ATP6V0A2: variants seen among roughly 807,000 people sequenced by gnomAD.
The protein encoded by ATP6V0A2 is V-type proton ATPase 116 kDa subunit a 2.
A neutral mutation model predicts 104.4 loss-of-function variants in ATP6V0A2; 58 were observed. That is an observed-to-expected ratio of 0.56 (90% CI 0.45 to 0.69). The LOEUF is 0.69. Ranked by LOEUF, ATP6V0A2 falls within the 30% of genes least tolerant of loss-of-function variation. The pLI, the probability that ATP6V0A2 is intolerant of heterozygous loss-of-function variation, is 0.00. For synonymous variants in ATP6V0A2, 376 were observed against 397.9 expected (o/e 0.95, Z 0.65); for missense variants, 938 against 1,062.9 (o/e 0.88, Z 1.63).
intron 7 of ATP6V0A2, among the ~76,000 whole-genome samples, chr12:123,734,237 CT>C (rs1326478409): frequency 1.3e-5 from 2 of 152,170 alleles, no homozygotes; most frequent in African/African-American, 4.8e-5. Flanking sequence ...CCAGAATTGA[CT>C]TTTTTCCTTG....
intron 9 of ATP6V0A2, among the ~76,000 whole-genome samples, chr12:123,738,205 C>T (rs1956574488): frequency 6.6e-6 from 1 of 152,124 alleles, no homozygotes; most frequent in African/African-American, 2.4e-5. Context: ...GAGTTTGAGA[C>T]CAGCCTGACC....
chr12:123,748,199 T>A (rs1956681065), intron 14 of ATP6V0A2, among the ~76,000 whole-genome samples: 1 of 152,222 alleles, frequency 6.6e-6, no homozygotes, highest in Non-Finnish European at 1.5e-5. Context: ...ACATAATTTG[T>A]ATAATTTGAT....
intron 1 of ATP6V0A2, among the ~76,000 whole-genome samples, chr12:123,715,440 TA>T (rs937233177): frequency 6.6e-6 from 1 of 151,258 alleles, no homozygotes; most frequent in Admixed American, 6.6e-5. Context: ...CTGGTTCTTT[TA>T]AAAAAAAAGT....
At chr12:123,722,550 C>CCA in intron 3 of ATP6V0A2, 102 bp downstream of exon 3, 1 of 774,870 alleles carries the variant, frequency 1.3e-6, no homozygotes, top group Non-Finnish European at 2.3e-6. Flanking sequence ...CTTCTCAAAA[C>CCA]TATGGAAGAT....
At position 123,744,785 on chromosome 12, in the gene ATP6V0A2, G is replaced by A. The variant is rs374480381; in HGVS notation, c.1514+1G>A. The stretch of plus-strand genomic sequence containing the variant: ...AGCATAAGAAGATGGTGCTTTGGAA[G>A]TAAGTGTCCCATAGCTGGTGATGCT... On this transcript the variant is annotated splice_donor_variant, in intron 12 of 19. Transcript: ENST00000330342. LOFTEE classifies it high-confidence loss of function. The surrounding 1 kb of genome is among the most constrained non-coding windows in gnomAD (Gnocchi z 5.4). 6.2e-6 allele frequency: 10 copies of A among 1,614,054 alleles called. No individual in the cohort carries two copies. Among genetic ancestry groups the A allele is most frequent in the Non-Finnish European group, 6.8e-6 (8 of 1,180,030 alleles).
rs371291658 is a variant in ATP6V0A2, at chr12:123,744,709, G to A, written c.1439G>A (p.Gly480Asp). The A allele has an allele frequency of 1.2e-6, 2 of 1,614,026 alleles. No individual in the cohort carries two copies. Among genetic ancestry groups the A allele is most frequent in the Non-Finnish European group, 1.7e-6 (2 of 1,180,040 alleles). Residue 480 changes from glycine to aspartate, a missense_variant, in exon 12 of 20, where the codon GGC (glycine) becomes GAC (aspartate). Physicochemically the swap from Gly to Asp is moderately conservative, Grantham distance 94. Coordinates refer to ENST00000330342, the MANE Select transcript of ATP6V0A2 (RefSeq NM_012463.4). This position sits in a 1 kb window ranked among gnomAD's most constrained non-coding sequence, Gnocchi z 5.4. ...DCFSKSVNLF[G>D]SGWNVSAMYS... ...TTTTCAAAGTCAGTCAACCTGTTCGGCTCTGGGTGGAACGTGTCGGCCATG... is the reference window on the plus strand; with the variant it reads ...TTTTCAAAGTCAGTCAACCTGTTCGACTCTGGGTGGAACGTGTCGGCCATG...
chr12:123,757,439 CA>C (rs35359843), intron 19 of ATP6V0A2, among the ~76,000 whole-genome samples: 99,833 of 149,070 alleles, frequency 0.67, 33,548 homozygotes, highest in East Asian at 0.95. Flanking sequence ...AACTCTGTGT[CA>C]AAAAAAAAAA....
intron 9 of ATP6V0A2, 35 bp downstream of exon 9, chr12:123,737,306 A>G (rs1416578995): frequency 6.3e-7 from 1 of 1,596,400 alleles, no homozygotes; most frequent in African/African-American, 1.3e-5. Flanking sequence ...CCAGGAACAG[A>G]AGAGAGACTG....
In ATP6V0A2 at chr12:123,726,236, G is replaced by A. The variant is rs761563956; in HGVS notation, c.472G>A (p.Asp158Asn). The change falls in exon 5 of 20, where the codon GAT (aspartate) becomes AAT (asparagine). Residue 158 changes from aspartate (D) to asparagine (N), a missense_variant. Coordinates refer to ENST00000330342, the MANE Select transcript of ATP6V0A2 (RefSeq NM_012463.4). Reference protein sequence around the residue: ...TYEEFPSLESDSLLDYSCMQR... With the variant: ...TYEEFPSLESNSLLDYSCMQR... The stretch of plus-strand genomic sequence containing the variant: ...TGAAGAATTCCCTTCCTTAGAGAGT[G>A]ATTCTTTGTTGGATTACAGCTGTAT... The A allele has an allele frequency of 2.3e-5, 37 of 1,613,622 alleles. No individual in the cohort carries two copies. In the East Asian group the frequency reaches 2.5e-4, roughly 11 times the overall value.
intron 9 of ATP6V0A2, chr12:123,737,566 C>T (rs1956567679): frequency 7.7e-6 from 3 of 391,766 alleles, no homozygotes; most frequent in South Asian, 6.8e-5. Flanking sequence ...TGTTTTTGAA[C>T]TGAAATTATG....
At position 123,760,645 on chromosome 12, in the gene ATP6V0A2, T is replaced by C. The variant is rs1956805172; in HGVS notation, c.*2613T>C. ...TTATTTAGATGTTTATTACCATGTG[T>C]TAACAGAATCTTAAAACCCAAGGGA... is the stretch of plus-strand genomic sequence containing the variant. On this transcript the variant is annotated 3_prime_UTR_variant, in exon 20 of 20. Coordinates refer to ENST00000330342, the MANE Select transcript of ATP6V0A2 (RefSeq NM_012463.4). The C allele has an allele frequency of 2.6e-5, 4 of 152,232 alleles. No individual in the cohort carries two copies. In the South Asian group the frequency reaches 8.3e-4, roughly 32 times the overall value. 9.4% of individuals were successfully genotyped at this position (152,232 alleles called of 1,614,324 possible). A position where few individuals can be genotyped will look rare whatever the true frequency, so the allele number is the denominator to read the frequency against.
intron 2 of ATP6V0A2, among the ~76,000 whole-genome samples, chr12:123,721,796 C>T (rs1956402462): frequency 1.3e-5 from 2 of 152,240 alleles, no homozygotes; most frequent in Admixed American, 6.5e-5. Context: ...GCAAGAGAGC[C>T]TGGCTCTTGG....
Position 123,733,929 on chromosome 12 carries a change from G to A in ATP6V0A2, c.652G>A (p.Glu218Lys), listed in dbSNP as rs759593402. The A allele has an allele frequency of 6.5e-5, 104 of 1,610,922 alleles. No individual in the cohort carries two copies. Among genetic ancestry groups the A allele is most frequent in the Non-Finnish European group, 8.6e-5 (101 of 1,177,232 alleles). The change falls in exon 7 of 20, where the codon GAA becomes AAA. Residue 218 changes from glutamate (E) to lysine (K), a missense_variant. By Grantham distance (56) the Glu-to-Lys change is moderately conservative. Coordinates refer to ENST00000330342, the MANE Select transcript of ATP6V0A2 (RefSeq NM_012463.4). ...TATCCTTATTCATTCTTTGTAGGGG[G>A]AAGTCATAAAATGGTATGTCTTTTT... ...DESLEDPETG[E>K]VIKWYVFLIS...
intron 9 of ATP6V0A2, among the ~76,000 whole-genome samples, chr12:123,740,995 A>T (rs10744160): frequency 2.0e-4 from 30 of 151,696 alleles, no homozygotes; most frequent in Non-Finnish European, 3.8e-4. Context: ...AGTAAGTTAC[A>T]ATGGTTTTAT....
At chr12:123,722,507 T>G (rs1326839855) in intron 3 of ATP6V0A2, 59 bp downstream of exon 3, 1 of 954,478 alleles carries the variant, frequency 1.0e-6, no homozygotes, top group Non-Finnish European at 1.7e-6. Flanking sequence ...GCTTACTTAC[T>G]TATTTCATGT....
chr12:123,758,020 C>A lies in ATP6V0A2; in HGVS notation c.2559C>A (p.Asp853Glu). ...TTTCATCAAAGTTCAATAACGACGA[C>A]AGTGTGGCATGATCATATTGCTGTA... ...SLLSSKFNND[D>E]SVA Residue 853 changes from aspartate (D) to glutamate (E), a missense_variant, in exon 20 of 20, where the codon GAC becomes GAA. Physicochemically the swap from Asp to Glu is conservative, Grantham distance 45 (BLOSUM62 2). Coordinates refer to ENST00000330342, the MANE Select transcript of ATP6V0A2 (RefSeq NM_012463.4). 6.2e-7 allele frequency: 1 copy of A among 1,609,422 alleles called. No homozygotes were observed.
In ATP6V0A2 at chr12:123,744,179, T is replaced by C; in HGVS notation, c.1190-22T>C. The C allele has an allele frequency of 2.5e-6, 4 of 1,614,102 alleles. No individual in the cohort carries two copies. The South Asian group carries it at 3.3e-5, about 13-fold the overall frequency. ...TTCCATATTTGCTGTGAATCAGAAATCTCTTTCCCTTTTTTCTGCAGCTCT... is the reference window on the plus strand; with the variant it reads ...TTCCATATTTGCTGTGAATCAGAAACCTCTTTCCCTTTTTTCTGCAGCTCT... On this transcript the variant is annotated intron_variant, in intron 10 of 19. Coordinates refer to ENST00000330342, the MANE Select transcript of ATP6V0A2 (RefSeq NM_012463.4). The surrounding 1 kb of genome is among the most constrained non-coding windows in gnomAD (Gnocchi z 5.4).
chr12:123,744,888 C>T lies in ATP6V0A2; in HGVS notation c.1521C>T (p.Ser507=), dbSNP rs142454880. The change falls in exon 13 of 20, where the codon AGC becomes AGT. Residue 507 remains serine, a synonymous_variant. Transcript: ENST00000330342. This position sits in a 1 kb window ranked among gnomAD's most constrained non-coding sequence, Gnocchi z 5.4. ...EHKKMVLWND[S]VVRHNSILQL... Reference sequence around the variant, plus strand: ...ACTCTGCTTTTTGTTACAGTGACAGCGTCGTTAGACACAACAGCATTTTGC... The same window carrying T: ...ACTCTGCTTTTTGTTACAGTGACAGTGTCGTTAGACACAACAGCATTTTGC... The T allele has an allele frequency of 1.1e-4, 182 of 1,614,148 alleles. 3 individuals are homozygous for T. The African/African-American group carries it at 2.0e-3, about 18-fold the overall frequency.
At chr12:123,745,622 C>T (rs940798177) in intron 13 of ATP6V0A2, among the ~76,000 whole-genome samples, 1 of 151,448 alleles carries the variant, frequency 6.6e-6, no homozygotes, top group African/African-American at 2.4e-5. Flanking sequence ...AGGAGAATGG[C>T]GTGAACCCAG....
Sources: allele counts gnomAD v4.1 joint callset (sites outside exome capture counted in the v4.1 genomes callset), GRCh38; gene constraint gnomAD v4.1.1; non-coding constraint Gnocchi (gnomAD v3.1); transcripts MANE v1.5; gene names NCBI Gene and HGNC (gene_info 2026-07-23, HGNC 2026-07-21).